Variants in PTPRD observed in about 807,000 individuals in gnomAD.
PTPRD encodes the protein receptor-type tyrosine-protein phosphatase delta.
A neutral mutation model predicts 214.5 loss-of-function variants in PTPRD; 34 were observed. That is an observed-to-expected ratio of 0.16 (90% CI 0.12 to 0.21). The LOEUF (loss-of-function observed/expected upper bound fraction) is 0.21. PTPRD is among the 10% of genes least tolerant of loss of function. The pLI is 1.00. For synonymous variants in PTPRD, 1,128 were observed against 845.7 expected (o/e 1.33, Z -5.79); for missense variants, 2,545 against 2,398.7 (o/e 1.06, Z -1.27).
rs575235070 is a variant in PTPRD, at chr9:10,512,393, A to G, written c.-600+100005T>C. 3.3e-5 allele frequency among the ~76,000 whole-genome samples: 5 copies of G among 152,014 alleles called. No individual in the cohort carries two copies. In the East Asian group the frequency reaches 7.8e-4, roughly 24 times the overall value. On this transcript the variant is annotated intron_variant, in intron 2 of 45. Transcript: ENST00000381196. ...ATACTGCCAAGAATGGTGAGTTTGC[A>G]TAGAATAAAAAATGTTGACCATGGG...
chr9:8,971,342 A>T (rs977970439), intron 11 of PTPRD, among the ~76,000 whole-genome samples: 16 of 151,822 alleles, frequency 1.1e-4, no homozygotes, highest in Non-Finnish European at 1.0e-4. Context: ...AATTAAAAAA[A>T]ACCCCAAAAC....
At chr9:9,204,151 G>C (rs2099943441) in intron 9 of PTPRD, among the ~76,000 whole-genome samples, 1 of 152,118 alleles carries the variant, frequency 6.6e-6, no homozygotes, top group East Asian at 1.9e-4. Flanking sequence ...CAAGAATAGG[G>C]ACTTCTGATT....
At chr9:8,635,183 G>A (rs2096391668) in intron 13 of PTPRD, among the ~76,000 whole-genome samples, 1 of 150,580 alleles carries the variant, frequency 6.6e-6, no homozygotes, top group East Asian at 1.9e-4. Context: ...TACCCCAAAG[G>A]TGTTTATATG....
Position 10,410,103 on chromosome 9 carries a change from T to C in PTPRD, c.-599-69086A>G, listed in dbSNP as rs182670251. On this transcript the variant is annotated intron_variant, in intron 2 of 45. Coordinates refer to ENST00000381196, the MANE Select transcript of PTPRD (RefSeq NM_002839.4). ...ATAGATAATAAATATAATATATCAA[T>C]GGATGCCATGATAGAACAACTTTTG... Among the ~76,000 whole-genome samples the C allele has an allele frequency of 5.9e-5, 9 of 151,462 alleles. No homozygotes were observed. The East Asian group carries it at 1.8e-3, about 30-fold the overall frequency.
At chr9:9,799,872 AC>A (rs1161335872) in intron 5 of PTPRD, among the ~76,000 whole-genome samples, 5 of 151,740 alleles carry the variant, frequency 3.3e-5, no homozygotes, top group African/African-American at 9.7e-5. Flanking sequence ...TTCTTTTTGA[AC>A]TCTGATTAAT....
chr9:10,452,325 T>G (rs1479458561), intron 2 of PTPRD, among the ~76,000 whole-genome samples: 2 of 151,890 alleles, frequency 1.3e-5, no homozygotes, highest in African/African-American at 4.8e-5. Context: ...TTCATTTACT[T>G]TGAATATGTG....
At position 8,765,366 on chromosome 9, in the gene PTPRD, CT is replaced by C. The variant is rs1454090867; in HGVS notation, c.-103-31421del. On this transcript the variant is annotated intron_variant, in intron 11 of 45. Coordinates refer to ENST00000381196, the MANE Select transcript of PTPRD (RefSeq NM_002839.4). ...GTTATATAAAAACCATGACTTCCCT[CT>C]TGGGTGCAATCTCCCGCCATCTTCA... is the stretch of plus-strand genomic sequence containing the variant. Among the ~76,000 whole-genome samples, 6 of 152,316 alleles carry C rather than the reference CT, an allele frequency of 3.9e-5. No homozygotes were observed. The East Asian group carries it at 9.7e-4, about 25-fold the overall frequency.
intron 3 of PTPRD, among the ~76,000 whole-genome samples, chr9:10,291,370 T>C (rs1317186811): frequency 1.3e-5 from 2 of 152,148 alleles, no homozygotes; most frequent in Admixed American, 6.6e-5. Flanking sequence ...AATCCTTGAA[T>C]GTTTGAATGT....
intron 14 of PTPRD, among the ~76,000 whole-genome samples, chr9:8,538,914 T>C (rs1426873437): frequency 6.6e-6 from 1 of 151,804 alleles, no homozygotes; most frequent in Non-Finnish European, 1.5e-5. Flanking sequence ...AAATCACTGA[T>C]TCCAATTAGG....
At chr9:8,836,766 T>C (rs2097434102) in intron 11 of PTPRD, among the ~76,000 whole-genome samples, 2 of 151,226 alleles carry the variant, frequency 1.3e-5, no homozygotes. Flanking sequence ...CCAGCTAATT[T>C]TTTGTATTTT....
intron 30 of PTPRD, among the ~76,000 whole-genome samples, chr9:8,474,689 T>C (rs929465097): frequency 3.3e-5 from 5 of 152,210 alleles, no homozygotes; most frequent in African/African-American, 4.8e-5. Context: ...CCTGAAACCC[T>C]GGACGTTCAA....
At chr9:9,428,560 A>T (rs1191120078) in intron 8 of PTPRD, among the ~76,000 whole-genome samples, 1 of 152,202 alleles carries the variant, frequency 6.6e-6, no homozygotes, top group African/African-American at 2.4e-5. Context: ...GACTTAATAA[A>T]CATCTACAGA....
At chr9:9,580,839 G>A (rs961623770) in intron 7 of PTPRD, among the ~76,000 whole-genome samples, 9 of 151,830 alleles carry the variant, frequency 5.9e-5, no homozygotes, top group South Asian at 2.1e-4. Context: ...ATGAGCCACC[G>A]TGCCCAGCCC....
chr9:9,584,380 T>TA (rs1214049296), intron 7 of PTPRD, among the ~76,000 whole-genome samples: 7 of 151,374 alleles, frequency 4.6e-5, no homozygotes, highest in African/African-American at 1.7e-4. Context: ...TTATTATTAT[T>TA]TGCTATGCTA....
intron 30 of PTPRD, among the ~76,000 whole-genome samples, chr9:8,476,562 G>A (rs1179064603): frequency 2.0e-5 from 3 of 151,914 alleles, no homozygotes; most frequent in Non-Finnish European, 4.4e-5. Flanking sequence ...TCTACTAACT[G>A]ATTATTTTCT....
chr9:8,728,028 A>G (rs964029190), intron 12 of PTPRD, among the ~76,000 whole-genome samples: 18 of 152,084 alleles, frequency 1.2e-4, no homozygotes, highest in Admixed American at 7.2e-4. Context: ...CGGGCGGATC[A>G]CCTGAGGTCG....
At chr9:9,242,317 T>C (rs1394216832) in intron 9 of PTPRD, among the ~76,000 whole-genome samples, 8 of 152,156 alleles carry the variant, frequency 5.3e-5, no homozygotes, top group Non-Finnish European at 1.2e-4. Flanking sequence ...CTGACAATTA[T>C]GTGTCTTGGA....
chr9:10,377,627 T>C (rs1371343431), intron 2 of PTPRD, among the ~76,000 whole-genome samples: 3 of 152,068 alleles, frequency 2.0e-5, no homozygotes, highest in East Asian at 3.9e-4. Flanking sequence ...GAACTCATCA[T>C]TTTTTATGGC....
chr9:9,468,449 G>A (rs1231142401), intron 8 of PTPRD, among the ~76,000 whole-genome samples: 1 of 151,858 alleles, frequency 6.6e-6, no homozygotes, highest in Admixed American at 6.6e-5. Flanking sequence ...ATGTGTGTGT[G>A]TTGTTTCCTG....
Sources: allele counts gnomAD v4.1 joint callset (sites outside exome capture counted in the v4.1 genomes callset), GRCh38; gene constraint gnomAD v4.1.1; transcripts MANE v1.5; gene names NCBI Gene and HGNC (gene_info 2026-07-23, HGNC 2026-07-21).